RAP1A: variants seen among roughly 807,000 people sequenced by gnomAD.
RAP1A encodes the protein RAP1A, member of RAS oncogene family.
Under a neutral mutation model 26.4 loss-of-function variants are expected in RAP1A, and 6 were observed. The ratio of observed to expected loss-of-function variants is 0.23; its 90% confidence interval spans 0.12 to 0.45. The LOEUF is 0.45. Ranked by LOEUF, RAP1A falls within the 20% of genes least tolerant of loss-of-function variation. The pLI is 0.99. For missense variants in RAP1A, 121 were observed against 217.2 expected (o/e 0.56, Z 2.78); for synonymous variants, 73 against 79.4 (o/e 0.92, Z 0.43).
intron 6 of RAP1A, among the ~76,000 whole-genome samples, chr1:111,705,545 G>GT (rs1662163841): frequency 6.6e-6 from 1 of 152,102 alleles, no homozygotes; most frequent in South Asian, 2.1e-4. Context: ...GCCAAAGCTT[G>GT]TTTTTTTATG....
In RAP1A at chr1:111,695,333, T is replaced by A. The variant is rs768901095; in HGVS notation, c.58-8T>A. ...ATTTTTTAATATTTCTCTTTTTTTT[T>A]CCCCCAGACAGTTCAGTTTGTTCAG... is the stretch of plus-strand genomic sequence containing the variant. On this transcript the variant is annotated splice_region_variant and splice_polypyrimidine_tract_variant and intron_variant, in intron 2 of 7. Transcript: ENST00000369709. The A allele has an allele frequency of 5.8e-6, 9 of 1,547,992 alleles. No individual in the cohort carries two copies. The African/African-American group carries it at 1.3e-4, about 22-fold the overall frequency.
Position 111,619,860 on chromosome 1 carries a change from C to G in RAP1A, c.-102C>G. On this transcript the variant is annotated 5_prime_UTR_variant, in exon 1 of 8. Transcript: ENST00000369709. ...CCGCGCAGAGCCGGAGCAGGAGCCA[C>G]GGCCGAGAGGAGGGAGGAGGAGGAG... 2.6e-6 allele frequency: 1 copy of G among 383,946 alleles called. No individual in the cohort carries two copies. Among genetic ancestry groups the G allele is most frequent in the Admixed American group, 4.6e-5 (1 of 21,866 alleles). 23.8% of individuals were successfully genotyped at this position (383,946 alleles called of 1,614,324 possible).
chr1:111,542,429 G>C (rs933211423), exon 1 of RAP1A: 1 of 231,888 alleles, frequency 4.3e-6, no homozygotes, highest in African/African-American at 2.3e-5. Flanking sequence ...TGAAAAACTG[G>C]GCTCCGCCCT....
chr1:111,670,175 AG>A (rs933132250), intron 1 of RAP1A, among the ~76,000 whole-genome samples: 1 of 152,188 alleles, frequency 6.6e-6, no homozygotes, highest in African/African-American at 2.4e-5. Flanking sequence ...AATATTAATT[AG>A]GAAAGAAAAA....
Position 111,646,146 on chromosome 1 carries a change from A to G in RAP1A, c.-28+26212A>G, listed in dbSNP as rs1054218973. ...GTTGAAGGCAGTAAGGAATTCTTGT[A>G]CAAGTAAACATCTTTTCCTTTTGTA... On this transcript the variant is annotated intron_variant, in intron 1 of 7. Transcript: ENST00000369709. 2.0e-5 allele frequency among the ~76,000 whole-genome samples: 3 copies of G among 152,360 alleles called. No homozygotes were observed. The South Asian group carries it at 6.2e-4, about 32-fold the overall frequency.
intron 1 of RAP1A, among the ~76,000 whole-genome samples, chr1:111,642,926 C>T (rs1395863541): frequency 6.6e-6 from 1 of 151,870 alleles, no homozygotes; most frequent in East Asian, 1.9e-4. Context: ...TGCGCCACCA[C>T]ACCCGGCTAA....
At chr1:111,669,026 G>GAAAAAAAA (rs58557062) in intron 1 of RAP1A, among the ~76,000 whole-genome samples, 15 of 19,820 alleles carry the variant, frequency 7.6e-4, no homozygotes, top group African/African-American at 1.4e-3. Flanking sequence ...CCTATCTCAA[G>GAAAAAAAA]AAAAAAAAAA....
chr1:111,703,573 T>A lies in RAP1A; in HGVS notation c.324+97T>A, dbSNP rs1056159455. The A allele has an allele frequency of 3.3e-5, 39 of 1,194,842 alleles. No homozygotes were observed. The African/African-American group carries it at 5.0e-4, about 15-fold the overall frequency. The allele number at this position is 1,194,842 out of a possible 1,614,324, so 74.0% of individuals were successfully genotyped here. On this transcript the variant is annotated intron_variant, in intron 5 of 7. Coordinates refer to ENST00000369709, the MANE Select transcript of RAP1A (RefSeq NM_002884.4). ...CTATTAGTAGAGGATTTGGAAGCTA[T>A]CTACCACATGCCTGAAAGAGCCCCT...
intron 1 of RAP1A, among the ~76,000 whole-genome samples, chr1:111,679,300 C>T (rs943805140): frequency 3.9e-5 from 6 of 152,138 alleles, no homozygotes; most frequent in African/African-American, 1.4e-4. Flanking sequence ...AGCGAACTCC[C>T]TCCCCTAGCC....
Position 111,639,808 on chromosome 1 carries a change from T to TA in RAP1A, c.-28+19874_-28+19875insA, listed in dbSNP as rs1659840919. 3.3e-5 allele frequency among the ~76,000 whole-genome samples: 5 copies of TA among 152,228 alleles called. 1 individual carries two copies. The highest frequency in any genetic ancestry group is 7.3e-5 in the Non-Finnish European group (5 of 68,042). ...AATTGTCACCACAGCCAGGTTAAGC[T>TA]TATTACAGAGGTTTACCTTGCTTTG... On this transcript the variant is annotated intron_variant, in intron 1 of 7. Coordinates refer to ENST00000369709, the MANE Select transcript of RAP1A (RefSeq NM_002884.4).
chr1:111,709,806 T>C (rs1288514797), intron 7 of RAP1A, among the ~76,000 whole-genome samples: 1 of 152,230 alleles, frequency 6.6e-6, no homozygotes, highest in Non-Finnish European at 1.5e-5. Flanking sequence ...CTCCAAAATA[T>C]GTTTTTGAGA....
At chr1:111,670,535 G>C (rs1660942755) in intron 1 of RAP1A, among the ~76,000 whole-genome samples, 1 of 151,900 alleles carries the variant, frequency 6.6e-6, no homozygotes, top group Admixed American at 6.6e-5. Context: ...TCCAACTTAG[G>C]TTAGAAAAAC....
At chr1:111,548,898 A>C (rs964714529) in intron 1 of RAP1A, among the ~76,000 whole-genome samples, 7 of 152,182 alleles carry the variant, frequency 4.6e-5, no homozygotes, top group African/African-American at 1.7e-4. Flanking sequence ...CTGTTTTCAA[A>C]CTGATGCCTT....
At chr1:111,609,017 G>A (rs1324366781) in intron 1 of RAP1A, among the ~76,000 whole-genome samples, 2 of 152,172 alleles carry the variant, frequency 1.3e-5, no homozygotes, top group African/African-American at 4.8e-5. Context: ...TCACAAATTG[G>A]TTCTGGAACT....
intron 1 of RAP1A, chr1:111,648,769 A>T: frequency 3.2e-6 from 2 of 617,970 alleles, no homozygotes; most frequent in Non-Finnish European, 6.1e-6. Flanking sequence ...ATCTGCTGAG[A>T]CCAGTACTTG....
At chr1:111,583,876 C>CTTTTTTTTTTTTTTTTTTTT (rs71099920) in intron 1 of RAP1A, among the ~76,000 whole-genome samples, 1 of 90,114 alleles carries the variant, frequency 1.1e-5, no homozygotes. Flanking sequence ...ATTGTTATTT[C>CTTTTTTTTTTTTTTTTTTTT]TTTTTTTTTT....
At chr1:111,553,482 C>G (rs751653963) in intron 1 of RAP1A, among the ~76,000 whole-genome samples, 1 of 150,236 alleles carries the variant, frequency 6.7e-6, no homozygotes, top group Non-Finnish European at 1.5e-5. Flanking sequence ...AACAGGATAA[C>G]TTTTTAGCTT....
At chr1:111,617,810 G>A (rs543969561), upstream of RAP1A, among the ~76,000 whole-genome samples, 5 of 151,460 alleles carry the variant, frequency 3.3e-5, no homozygotes, top group Non-Finnish European at 4.4e-5. Flanking sequence ...TTGGGAGGCC[G>A]AGGCGGGTGG....
At chr1:111,622,222 G>A (rs1161498775) in intron 1 of RAP1A, among the ~76,000 whole-genome samples, 1 of 152,140 alleles carries the variant, frequency 6.6e-6, no homozygotes, top group Non-Finnish European at 1.5e-5. Flanking sequence ...ACAAACTTCA[G>A]AACAAGTCTC....
Sources: allele counts gnomAD v4.1 joint callset (sites outside exome capture counted in the v4.1 genomes callset), GRCh38; gene constraint gnomAD v4.1.1; transcripts MANE v1.5; gene names NCBI Gene and HGNC (gene_info 2026-07-23, HGNC 2026-07-21).